Variants in CFAP61 observed in about 807,000 individuals in gnomAD.
CFAP61 encodes the protein cilia- and flagella-associated protein 61.
A neutral mutation model predicts 135.6 loss-of-function variants in CFAP61; 107 were observed. That is an observed-to-expected ratio of 0.79 (90% CI 0.67 to 0.93). CFAP61 has a LOEUF of 0.93. CFAP61 is among the 40% of genes least tolerant of loss of function. CFAP61 has a pLI of 0.00. For missense variants in CFAP61, 1,507 were observed against 1,556.2 expected (o/e 0.97, Z 0.53); for synonymous variants, 575 against 578.5 (o/e 0.99, Z 0.09).
chr20:20,257,485 G>A (rs1441165946), intron 20 of CFAP61, among the ~76,000 whole-genome samples: 1 of 151,866 alleles, frequency 6.6e-6, no homozygotes, highest in Non-Finnish European at 1.5e-5. Context: ...TGTGGTGGCA[G>A]GGTCTTGTAA....
At position 20,075,621 on chromosome 20, in the gene CFAP61, G is replaced by C. The variant is rs771421145; in HGVS notation, c.566+6G>C. 4.2e-5 allele frequency: 67 copies of C among 1,613,760 alleles called. No homozygotes were observed. In the South Asian group the frequency reaches 7.4e-4, roughly 18 times the overall value. ...CTGCACGTTCGCAAAGCCAGGTACAGTTGGAGTCATGCCTTGTGTGACCTA... is the reference window on the plus strand; with the variant it reads ...CTGCACGTTCGCAAAGCCAGGTACACTTGGAGTCATGCCTTGTGTGACCTA... On this transcript the variant is annotated splice_donor_region_variant and intron_variant, in intron 6 of 26. Transcript: ENST00000245957.
At chr20:20,159,537 C>G in intron 10 of CFAP61, 93 bp downstream of exon 10, 1 of 1,105,288 alleles carries the variant, frequency 9.0e-7, no homozygotes, top group Non-Finnish European at 1.4e-6. Context: ...TTCCTCCTCC[C>G]AATCTCCCTG....
Position 20,359,196 on chromosome 20 carries a change from T to G in CFAP61, c.3514-1014T>G, listed in dbSNP as rs1420095701. On this transcript the variant is annotated intron_variant, in intron 26 of 26. Transcript: ENST00000245957. This position sits in a 1 kb window ranked among gnomAD's most constrained non-coding sequence, Gnocchi z 4.0. ...GATTCTCAGCTTCAAACAACTTTATTCTTTCTGAGCCCTACCTTTTTAAAT... is the reference window on the plus strand; with the variant it reads ...GATTCTCAGCTTCAAACAACTTTATGCTTTCTGAGCCCTACCTTTTTAAAT... 6.6e-6 allele frequency among the ~76,000 whole-genome samples: 1 copy of G among 152,186 alleles called. No homozygotes were observed. The highest frequency in any genetic ancestry group is 2.4e-5 in the African/African-American group (1 of 41,450).
intron 8 of CFAP61, among the ~76,000 whole-genome samples, chr20:20,125,154 T>A (rs1194792859): frequency 1.3e-5 from 2 of 151,868 alleles, no homozygotes; most frequent in Admixed American, 6.5e-5. Context: ...ATTTTATTTA[T>A]CTTTTCAAAG....
chr20:20,265,354 C>T, intron 21 of CFAP61: 1 of 779,016 alleles, frequency 1.3e-6, no homozygotes, highest in Non-Finnish European at 2.4e-6. Context: ...TTTAGAAACC[C>T]CAAAGCAAGA....
chr20:20,173,219 G>T (rs1417012896), intron 13 of CFAP61, among the ~76,000 whole-genome samples: 1 of 152,182 alleles, frequency 6.6e-6, no homozygotes, highest in Admixed American at 6.5e-5. Context: ...GAGCAGTTAT[G>T]AATAAAGCTG....
intron 25 of CFAP61, among the ~76,000 whole-genome samples, chr20:20,302,021 A>G (rs1312236535): frequency 2.0e-5 from 3 of 152,222 alleles, no homozygotes; most frequent in African/African-American, 7.2e-5. Flanking sequence ...ATATCATAAC[A>G]TAGTATAGCT....
intron 8 of CFAP61, among the ~76,000 whole-genome samples, chr20:20,115,457 C>T (rs1314041249): frequency 6.6e-6 from 1 of 151,834 alleles, no homozygotes; most frequent in Admixed American, 6.6e-5. Flanking sequence ...TTATTCTCTT[C>T]TAGCTATTTT....
At chr20:20,077,679 A>T (rs2046148812) in intron 6 of CFAP61, among the ~76,000 whole-genome samples, 1 of 152,214 alleles carries the variant, frequency 6.6e-6, no homozygotes, top group Non-Finnish European at 1.5e-5. Context: ...GTCTGGAAAG[A>T]CAGGACAACT....
chr20:20,103,300 A>G (rs1313141901), intron 8 of CFAP61, among the ~76,000 whole-genome samples: 1 of 152,190 alleles, frequency 6.6e-6, no homozygotes, highest in Admixed American at 6.5e-5. Flanking sequence ...TAATTTGTGT[A>G]TGTTTTCATA....
chr20:20,193,141 T>A (rs1384928286), intron 15 of CFAP61, among the ~76,000 whole-genome samples: 1 of 152,166 alleles, frequency 6.6e-6, no homozygotes, highest in South Asian at 2.1e-4. Flanking sequence ...TATTTATACC[T>A]TTAGTCTTTT....
At chr20:20,290,862 A>G (rs991444749) in intron 24 of CFAP61, among the ~76,000 whole-genome samples, 1 of 152,216 alleles carries the variant, frequency 6.6e-6, no homozygotes, top group African/African-American at 2.4e-5. Flanking sequence ...CTGCAGCCCC[A>G]GCCAACATCT....
chr20:20,127,366 C>G (rs1225095925), intron 8 of CFAP61, among the ~76,000 whole-genome samples: 1 of 151,736 alleles, frequency 6.6e-6, no homozygotes, highest in Non-Finnish European at 1.5e-5. Context: ...GAGGGAAAGT[C>G]TAGGGCTGAA....
chr20:20,313,943 T>A (rs190581650), intron 25 of CFAP61, among the ~76,000 whole-genome samples: 1 of 152,230 alleles, frequency 6.6e-6, no homozygotes, highest in African/African-American at 2.4e-5. Flanking sequence ...ATGAATCCAC[T>A]CCCGTGAGAA....
At chr20:20,067,374 A>G (rs1568818803) in intron 2 of CFAP61, among the ~76,000 whole-genome samples, 1 of 152,102 alleles carries the variant, frequency 6.6e-6, no homozygotes, top group Non-Finnish European at 1.5e-5. Context: ...CGAGGTCAAG[A>G]GATCCAGACC....
At position 20,169,426 on chromosome 20, in the gene CFAP61, G is replaced by A. The variant is rs2054062659; in HGVS notation, c.1351G>A (p.Asp451Asn). Reference sequence around the variant, plus strand: ...TTTCAACACCTGCACCCTCGAGCAGGACCTCTACGTCTTCCACCGGGCTGG... The same window carrying A: ...TTTCAACACCTGCACCCTCGAGCAGAACCTCTACGTCTTCCACCGGGCTGG... ...VPFNTCTLEQ[D>N]LYVFHRAGLL... The change falls in exon 13 of 27, where the codon GAC becomes AAC. Residue 451 changes from aspartate (D) to asparagine (N), a missense_variant. Transcript: ENST00000245957. 6.2e-6 allele frequency: 10 copies of A among 1,613,738 alleles called. No homozygotes were observed. The highest frequency in any genetic ancestry group is 1.1e-5 in the South Asian group (1 of 91,022).
rs1162409121 is a variant in CFAP61, at chr20:20,288,780, A to G, written c.2968A>G (p.Asn990Asp). 1.2e-5 allele frequency: 20 copies of G among 1,614,088 alleles called. No homozygotes were observed. Among genetic ancestry groups the G allele is most frequent in the Non-Finnish European group, 1.5e-5 (18 of 1,180,050 alleles). Residue 990 changes from asparagine (N) to aspartate (D), a missense_variant, in exon 23 of 27, where the codon AAT (asparagine) becomes GAT (aspartate). Asn to Asp is a conservative substitution (Grantham distance 23, BLOSUM62 1). Transcript: ENST00000245957. Reference protein sequence around the residue: ...LTKFSNRYYSNEWTHSNFSSK... With the variant: ...LTKFSNRYYSDEWTHSNFSSK... The stretch of plus-strand genomic sequence containing the variant: ...CAAATTCTCCAATAGATACTACTCA[A>G]ATGAGTGGACTCACAGCAACTTCAG...
intron 17 of CFAP61, chr20:20,222,122 G>A (rs2048447438): frequency 6.6e-6 from 1 of 152,038 alleles, no homozygotes; most frequent in African/African-American, 2.4e-5. Flanking sequence ...CACTAGAATT[G>A]ATGAAATCCG....
chr20:20,300,383 A>G (rs1038189379), intron 25 of CFAP61, among the ~76,000 whole-genome samples: 7 of 152,168 alleles, frequency 4.6e-5, no homozygotes, highest in African/African-American at 1.7e-4. Flanking sequence ...CACGTGTGTT[A>G]TTGCCTCTGA....
Sources: allele counts gnomAD v4.1 joint callset (sites outside exome capture counted in the v4.1 genomes callset), GRCh38; gene constraint gnomAD v4.1.1; non-coding constraint Gnocchi (gnomAD v3.1); transcripts MANE v1.5; gene names NCBI Gene and HGNC (gene_info 2026-07-23, HGNC 2026-07-21).